The following ANO1 variants were observed in gnomAD, a reference collection of about 807,000 sequenced individuals.
ANO1 encodes the protein anoctamin 1, also known as anoctamin-1.
Under a neutral mutation model 124.0 loss-of-function variants are expected in ANO1, and 59 were observed. That is an observed-to-expected ratio of 0.48 (90% CI 0.39 to 0.59). ANO1 has a LOEUF of 0.59. Ranked by LOEUF, ANO1 falls within the 20% of genes least tolerant of loss-of-function variation. The pLI is 0.00. For missense variants in ANO1, 1,059 were observed against 1,328.0 expected (o/e 0.80, Z 3.15); for synonymous variants, 529 against 532.0 (o/e 0.99, Z 0.08).
chr11:69,991,653 C>T (rs554423230), intron 1 of ANO1, among the ~76,000 whole-genome samples: 7 of 152,294 alleles, frequency 4.6e-5, no homozygotes, highest in African/African-American at 1.4e-4. Flanking sequence ...CAATTGGATG[C>T]ATCATTCAAA....
At chr11:70,083,498 G>A (rs571345664) in intron 1 of ANO1, among the ~76,000 whole-genome samples, 1 of 152,246 alleles carries the variant, frequency 6.6e-6, no homozygotes, top group Admixed American at 6.5e-5. Flanking sequence ...AAGACTGTAG[G>A]CCCCTGAGGG....
chr11:70,054,931 A>G (rs1457274612), intron 1 of ANO1, among the ~76,000 whole-genome samples: 2 of 152,252 alleles, frequency 1.3e-5, no homozygotes, highest in African/African-American at 4.8e-5. Context: ...TGATGATACC[A>G]TAATACGATA....
Position 70,101,691 on chromosome 11 carries a change from G to A in ANO1, c.442-1375G>A, listed in dbSNP as rs1178010949. Among the ~76,000 whole-genome samples the A allele has an allele frequency of 2.0e-5, 3 of 151,518 alleles. No individual in the cohort carries two copies. In the East Asian group the frequency reaches 5.8e-4, roughly 29 times the overall value. On this transcript the variant is annotated intron_variant, in intron 2 of 25. Coordinates refer to ENST00000355303, the MANE Select transcript of ANO1 (RefSeq NM_018043.7). Reference sequence around the variant, plus strand: ...TGTACTTGTGTCAGACACTCAAGGGGTCCAGAACCCAGGTCAGGCCCTGAG... The same window carrying A: ...TGTACTTGTGTCAGACACTCAAGGGATCCAGAACCCAGGTCAGGCCCTGAG...
intron 1 of ANO1, among the ~76,000 whole-genome samples, chr11:69,998,555 T>C (rs1554998747): frequency 1.3e-5 from 2 of 152,226 alleles, no homozygotes. Context: ...TTAATAAAGC[T>C]GCAAGGAAGA....
Position 70,161,604 on chromosome 11 carries a change from T to A in ANO1, c.1781-18T>A. The A allele has an allele frequency of 6.2e-7, 1 of 1,612,346 alleles. No homozygotes were observed. The highest frequency in any genetic ancestry group is 8.5e-7 in the Non-Finnish European group (1 of 1,178,450). On this transcript the variant is annotated intron_variant, in intron 17 of 25. Coordinates refer to ENST00000355303, the MANE Select transcript of ANO1 (RefSeq NM_018043.7). ...CATCCCAGCCACAGCCTCAGTATCA[T>A]CCTACCCCTCCCTCTAGAGGTCCCA...
At chr11:70,044,404 T>C (rs930017740) in intron 1 of ANO1, among the ~76,000 whole-genome samples, 4 of 152,166 alleles carry the variant, frequency 2.6e-5, no homozygotes, top group Non-Finnish European at 4.4e-5. Context: ...CCCAATTGTA[T>C]GCTATTTCCC....
chr11:70,079,209 C>G (rs948587020), intron 1 of ANO1, among the ~76,000 whole-genome samples: 1 of 152,172 alleles, frequency 6.6e-6, no homozygotes, highest in African/African-American at 2.4e-5. Flanking sequence ...GCTTCACTAT[C>G]CTCTGGGGCC....
chr11:70,056,552 C>A (rs190605133), intron 1 of ANO1: 1 of 151,656 alleles, frequency 6.6e-6, no homozygotes, highest in South Asian at 2.1e-4. Context: ...AAAAAAATAA[C>A]GCAAGAAAAA....
chr11:70,061,873 C>T (rs1857588237), intron 1 of ANO1, among the ~76,000 whole-genome samples: 1 of 152,016 alleles, frequency 6.6e-6, no homozygotes, highest in South Asian at 2.1e-4. Flanking sequence ...AGGGTCTCTA[C>T]CTCTGTTGCT....
intron 10 of ANO1, among the ~76,000 whole-genome samples, chr11:70,128,238 G>A (rs1396080743): frequency 2.0e-5 from 3 of 151,420 alleles, no homozygotes; most frequent in Admixed American, 2.0e-4. Flanking sequence ...TCCTAGGCAG[G>A]AGAAAGGTTT....
the ANO1 span, among the ~76,000 whole-genome samples, chr11:69,971,248 T>TC: frequency 1.3e-5 from 2 of 152,142 alleles, no homozygotes; most frequent in Non-Finnish European, 2.9e-5. Flanking sequence ...GGAGAGTTGG[T>TC]CCCCATGGTC....
intron 5 of ANO1, among the ~76,000 whole-genome samples, chr11:70,106,022 G>A (rs1456108758): frequency 6.6e-6 from 1 of 152,132 alleles, no homozygotes; most frequent in East Asian, 1.9e-4. Flanking sequence ...AAAGCAGGAG[G>A]GAAGCCAGAC....
intron 1 of ANO1, among the ~76,000 whole-genome samples, chr11:69,989,033 T>A (rs1856103667): frequency 6.6e-6 from 1 of 151,604 alleles, no homozygotes; most frequent in Non-Finnish European, 1.5e-5. Context: ...AGGAAGGTGA[T>A]GTTAGCTAAT....
the ANO1 span, among the ~76,000 whole-genome samples, chr11:69,969,781 T>C: frequency 6.6e-6 from 1 of 152,156 alleles, no homozygotes; most frequent in Non-Finnish European, 1.5e-5. Context: ...ACCCCGTCTT[T>C]ACTAAAAATA....
At chr11:70,120,799 G>A (rs1275941158) in intron 8 of ANO1, among the ~76,000 whole-genome samples, 3 of 152,162 alleles carry the variant, frequency 2.0e-5, no homozygotes, top group Non-Finnish European at 4.4e-5. Flanking sequence ...GACGCCTGAG[G>A]GTTGTTGGGA....
chr11:70,088,772 A>C (rs891930469), intron 2 of ANO1, among the ~76,000 whole-genome samples: 2 of 151,996 alleles, frequency 1.3e-5, no homozygotes, highest in African/African-American at 2.4e-5. Context: ...GTCTTCCTGG[A>C]TGGGGTCGGC....
intron 25 of ANO1, among the ~76,000 whole-genome samples, chr11:70,187,069 G>A (rs1220628014): frequency 1.3e-5 from 2 of 152,202 alleles, no homozygotes; most frequent in Non-Finnish European, 2.9e-5. Context: ...CTGGGAAGAG[G>A]GAGATGGGAT....
chr11:70,155,032 C>A (rs532366438), intron 14 of ANO1, among the ~76,000 whole-genome samples: 3 of 152,234 alleles, frequency 2.0e-5, no homozygotes, highest in Admixed American at 2.0e-4. Flanking sequence ...GGCGGCATCC[C>A]GGCCCCCAAG....
At chr11:70,128,772 G>A (rs2046625873) in intron 10 of ANO1, among the ~76,000 whole-genome samples, 1 of 152,252 alleles carries the variant, frequency 6.6e-6, no homozygotes, top group African/African-American at 2.4e-5. Flanking sequence ...TTGGCTAAAG[G>A]CGGTGAAGTG....
Sources: allele counts gnomAD v4.1 joint callset (sites outside exome capture counted in the v4.1 genomes callset), GRCh38; gene constraint gnomAD v4.1.1; transcripts MANE v1.5; gene names NCBI Gene and HGNC (gene_info 2026-07-23, HGNC 2026-07-21).